Variants in MAP4K5 observed in about 807,000 individuals in gnomAD.
MAP4K5 encodes the protein mitogen-activated protein kinase kinase kinase kinase 5.
A neutral mutation model predicts 135.6 loss-of-function variants in MAP4K5; 82 were observed. The ratio of observed to expected loss-of-function variants is 0.60; its 90% CI spans 0.51 to 0.73. The LOEUF is 0.73. MAP4K5 is among the 30% of genes least tolerant of loss of function. The probability of loss-of-function intolerance (pLI) is 0.00; values close to 1 mark genes in which losing one functional copy is unlikely to be tolerated. For synonymous variants in MAP4K5, 347 were observed against 335.0 expected (o/e 1.04, Z -0.39); for missense variants, 907 against 1,010.9 (o/e 0.90, Z 1.39).
At chr14:50,514,402 G>A (rs1411832410) in intron 2 of MAP4K5, among the ~76,000 whole-genome samples, 1 of 152,062 alleles carries the variant, frequency 6.6e-6, no homozygotes, top group East Asian at 1.9e-4. Context: ...TTTTTAACTG[G>A]TTCATTTATT....
At chr14:50,476,043 T>C in intron 8 of MAP4K5, 85 bp downstream of exon 8, 1 of 726,946 alleles carries the variant, frequency 1.4e-6, no homozygotes, top group Non-Finnish European at 2.2e-6. Flanking sequence ...TGCATAATGT[T>C]AATTCTCATT....
chr14:50,531,020 G>T (rs1013132028), intron 2 of MAP4K5, among the ~76,000 whole-genome samples: 3 of 152,216 alleles, frequency 2.0e-5, no homozygotes, highest in African/African-American at 7.2e-5. Flanking sequence ...TATATATCAT[G>T]ATCAAATCCA....
At chr14:50,547,045 A>G (rs2038642499) in intron 1 of MAP4K5, among the ~76,000 whole-genome samples, 1 of 152,120 alleles carries the variant, frequency 6.6e-6, no homozygotes, top group Non-Finnish European at 1.5e-5. Flanking sequence ...AGTTGAACAA[A>G]GAGAACACAT....
At chr14:50,481,079 T>G (rs1421163761) in intron 6 of MAP4K5, among the ~76,000 whole-genome samples, 1 of 151,786 alleles carries the variant, frequency 6.6e-6, no homozygotes, top group Non-Finnish European at 1.5e-5. Flanking sequence ...TTTTTTATTT[T>G]TTCACCTCTA....
chr14:50,481,724 T>C (rs960186113), intron 6 of MAP4K5, among the ~76,000 whole-genome samples: 1 of 152,192 alleles, frequency 6.6e-6, no homozygotes, highest in South Asian at 2.1e-4. Flanking sequence ...TATATCTTTA[T>C]TGAATATTCA....
chr14:50,520,679 A>G (rs2038130742), intron 2 of MAP4K5, among the ~76,000 whole-genome samples: 1 of 152,222 alleles, frequency 6.6e-6, no homozygotes, highest in African/African-American at 2.4e-5. Flanking sequence ...GGACTCAGTT[A>G]ATTAACAATA....
chr14:50,497,491 G>A (rs528220273), intron 3 of MAP4K5, among the ~76,000 whole-genome samples: 29 of 152,264 alleles, frequency 1.9e-4, no homozygotes, highest in African/African-American at 6.3e-4. Flanking sequence ...AACATACCAC[G>A]TAACCTGAAT....
At chr14:50,514,953 G>C (rs1223607911) in intron 2 of MAP4K5, among the ~76,000 whole-genome samples, 1 of 151,108 alleles carries the variant, frequency 6.6e-6, no homozygotes, top group Non-Finnish European at 1.5e-5. Flanking sequence ...GCCCAGGCTG[G>C]AGTACAGTGG....
chr14:50,505,208 A>C (rs1297540567), intron 2 of MAP4K5: 2 of 181,934 alleles, frequency 1.1e-5, no homozygotes, highest in Admixed American at 6.3e-5. Flanking sequence ...TAGGTCATTA[A>C]AAATTTTCAT....
chr14:50,486,745 A>AGAC lies in MAP4K5; in HGVS notation c.167-552_167-551insGTC, dbSNP rs1400810499. Among the ~76,000 whole-genome samples the AGAC allele has an allele frequency of 5.9e-5, 9 of 152,288 alleles. No homozygotes were observed. The South Asian group carries it at 1.9e-3, about 32-fold the overall frequency. ...CAGGAGTTCAAGACCAGCCTGGCCA[A>AGAC]CATGGTGAGACCCCGTTTCTACTAA... On this transcript the variant is annotated intron_variant, in intron 3 of 32. Transcript: ENST00000682126.
At chr14:50,435,653 A>G (rs1235830340) in intron 26 of MAP4K5, among the ~76,000 whole-genome samples, 1 of 151,862 alleles carries the variant, frequency 6.6e-6, no homozygotes, top group East Asian at 1.9e-4. Context: ...TTCTTAGTAA[A>G]CTCAAAGAAT....
At chr14:50,445,011 C>T (rs1341925260) in intron 18 of MAP4K5, 30 bp downstream of exon 18, 2 of 1,600,352 alleles carry the variant, frequency 1.2e-6, no homozygotes, top group Non-Finnish European at 1.7e-6. Context: ...GCCATATGTA[C>T]CCCATGGCTG....
intron 3 of MAP4K5, among the ~76,000 whole-genome samples, chr14:50,496,580 T>C (rs1595513718): frequency 1.3e-5 from 2 of 151,936 alleles, no homozygotes; most frequent in East Asian, 3.9e-4. Context: ...GTGAACATGG[T>C]TCATTGAAGC....
intron 1 of MAP4K5, among the ~76,000 whole-genome samples, chr14:50,551,174 A>T (rs1361108668): frequency 6.6e-6 from 1 of 152,208 alleles, no homozygotes; most frequent in African/African-American, 2.4e-5. Context: ...AATAAGCTCA[A>T]TTAGAAACAA....
intron 18 of MAP4K5, 39 bp downstream of exon 18, chr14:50,445,002 C>T (rs369594507): frequency 6.3e-7 from 1 of 1,579,016 alleles, no homozygotes; most frequent in African/African-American, 1.4e-5. Flanking sequence ...CAATATCTAG[C>T]CATATGTACC....
intron 9 of MAP4K5, among the ~76,000 whole-genome samples, chr14:50,469,065 G>A (rs1420258599): frequency 6.6e-6 from 1 of 152,022 alleles, no homozygotes; most frequent in East Asian, 1.9e-4. Context: ...TATGTAATAG[G>A]CAAAAAGAAA....
Position 50,447,721 on chromosome 14 carries a change from CCTT to C in MAP4K5, c.1075-243_1075-241del, listed in dbSNP as rs375336855. 2.4e-3 allele frequency among the ~76,000 whole-genome samples: 359 copies of C among 152,288 alleles called. 1 individual carries two copies. Among genetic ancestry groups the C allele is most frequent in the African/African-American group, 7.9e-3 (329 of 41,570 alleles). On this transcript the variant is annotated intron_variant, in intron 15 of 32. Transcript: ENST00000682126. ...TAAAGGTAGCTTCAAATGTGACAAACCTTCTTTATCAGTATGTGAGCATATTCC... is the reference window on the plus strand; with the variant it reads ...TAAAGGTAGCTTCAAATGTGACAAACCTTTATCAGTATGTGAGCATATTCC...
intron 5 of MAP4K5, among the ~76,000 whole-genome samples, chr14:50,484,674 T>C (rs559914710): frequency 2.0e-5 from 3 of 152,300 alleles, no homozygotes; most frequent in East Asian, 1.9e-4. Context: ...CAGTATTCCA[T>C]ATTACAGGTT....
chr14:50,489,768 G>A (rs1320909845), intron 3 of MAP4K5, among the ~76,000 whole-genome samples: 1 of 152,090 alleles, frequency 6.6e-6, no homozygotes, highest in Non-Finnish European at 1.5e-5. Flanking sequence ...TTGATCTCTT[G>A]AAAATGTGAA....
Sources: gnomAD v4.1 joint callset for allele counts (sites outside exome capture counted in the v4.1 genomes callset) on GRCh38, gnomAD v4.1.1 for gene constraint, MANE v1.5 for transcripts, NCBI Gene and HGNC (gene_info 2026-07-23, HGNC 2026-07-21) for gene names.